Variants in MTUS2 observed in about 807,000 individuals in gnomAD.
MTUS2 encodes the protein microtubule associated scaffold protein 2, also known as microtubule-associated tumor suppressor candidate 2.
MTUS2 carries 40 observed loss-of-function variants against 114.1 expected under a neutral mutation model. The observed-to-expected ratio is 0.35, with a 90% CI of 0.27 to 0.46. The LOEUF is 0.46. Among genes scored for constraint, MTUS2 ranks in the 20% least tolerant of loss-of-function variants. The pLI is 1.00. For synonymous variants in MTUS2, 688 were observed against 672.0 expected, an observed-to-expected ratio of 1.02 and a Z score of -0.37; for missense variants, 1,679 against 1,705.4, an observed-to-expected ratio of 0.98 and a Z score of 0.27.
At chr13:29,353,563 A>T (rs1400883842) in intron 7 of MTUS2, among the ~76,000 whole-genome samples, 3 of 152,094 alleles carry the variant, frequency 2.0e-5, no homozygotes, top group African/African-American at 7.2e-5. Flanking sequence ...AGCCTCCCAA[A>T]GTGCTGGGAT....
intron 8 of MTUS2, among the ~76,000 whole-genome samples, chr13:29,364,265 G>A (rs1439422914): frequency 1.3e-5 from 2 of 152,206 alleles, no homozygotes; most frequent in Admixed American, 6.5e-5. Flanking sequence ...AGTCTTGGAA[G>A]AGCAGGATGG....
At chr13:28,896,661 G>T (rs1407934530) in intron 2 of MTUS2, among the ~76,000 whole-genome samples, 2 of 152,146 alleles carry the variant, frequency 1.3e-5, no homozygotes, top group African/African-American at 4.8e-5. Flanking sequence ...ATACTACAAG[G>T]CTACAGTAAC....
chr13:29,488,300 G>A (rs899317727), intron 11 of MTUS2, among the ~76,000 whole-genome samples: 2 of 152,140 alleles, frequency 1.3e-5, no homozygotes, highest in Non-Finnish European at 2.9e-5. Flanking sequence ...CCACCCCAGG[G>A]ATTCTGATGT....
At chr13:29,426,900 G>C (rs4463939) in intron 8 of MTUS2, among the ~76,000 whole-genome samples, 49,700 of 152,114 alleles carry the variant, frequency 0.33, 9,841 homozygotes, top group Non-Finnish European at 0.45. Context: ...TGCTATGAGC[G>C]TGGGGGTATA....
Position 29,217,639 on chromosome 13 carries a change from AC to A in MTUS2, c.2645-64064del, listed in dbSNP as rs549225506. On this transcript the variant is annotated intron_variant, in intron 5 of 15. Transcript: ENST00000612955. The stretch of plus-strand genomic sequence containing the variant: ...TGTGGCAATTTCTAAATTTAAGGGA[AC>A]ATTGAAGTTTTTTACAATGACTGAT... Among the ~76,000 whole-genome samples, 280 of 152,304 alleles carry A rather than the reference AC, an allele frequency of 1.8e-3. 2 individuals carry two copies. The highest frequency in any genetic ancestry group is 2.9e-3 in the Non-Finnish European group (200 of 68,018).
chr13:29,196,471 C>A (rs1019919443), intron 5 of MTUS2, among the ~76,000 whole-genome samples: 14 of 152,006 alleles, frequency 9.2e-5, no homozygotes, highest in African/African-American at 3.1e-4. Context: ...CACATAACAT[C>A]AAATTTACTA....
intron 5 of MTUS2, among the ~76,000 whole-genome samples, chr13:29,132,399 C>T (rs1412852624): frequency 6.6e-6 from 1 of 152,146 alleles, no homozygotes; most frequent in Non-Finnish European, 1.5e-5. Flanking sequence ...GGCATCTTAA[C>T]GATGAAGTGT....
intron 5 of MTUS2, among the ~76,000 whole-genome samples, chr13:29,142,175 G>A (rs1892252132): frequency 6.6e-6 from 1 of 151,990 alleles, no homozygotes; most frequent in African/African-American, 2.4e-5. Context: ...AATTATATGT[G>A]TATATATATT....
intron 9 of MTUS2, among the ~76,000 whole-genome samples, chr13:29,470,718 T>C (rs937955110): frequency 4.6e-5 from 7 of 152,266 alleles, no homozygotes; most frequent in Non-Finnish European, 8.8e-5. Flanking sequence ...AGGCCCTGCA[T>C]GATAAGTCCC....
intron 2 of MTUS2, among the ~76,000 whole-genome samples, chr13:28,938,009 T>G (rs2138118589): frequency 6.6e-6 from 1 of 152,352 alleles, no homozygotes; most frequent in East Asian, 1.9e-4. Context: ...ATGAGGATGC[T>G]TCCCTAATCC....
chr13:29,109,248 CA>C (rs1424760224), intron 5 of MTUS2, among the ~76,000 whole-genome samples: 1 of 152,148 alleles, frequency 6.6e-6, no homozygotes, highest in Non-Finnish European at 1.5e-5. Flanking sequence ...ATGATTACTA[CA>C]ATCAAGTTAA....
intron 5 of MTUS2, among the ~76,000 whole-genome samples, chr13:29,125,541 G>A (rs560849774): frequency 3.9e-5 from 6 of 152,304 alleles, no homozygotes; most frequent in African/African-American, 1.4e-4. Context: ...ACTTTGTCAA[G>A]AATATGCTGT....
chr13:29,192,855 T>A (rs908694814), intron 5 of MTUS2, among the ~76,000 whole-genome samples: 4 of 152,188 alleles, frequency 2.6e-5, no homozygotes, highest in African/African-American at 9.6e-5. Context: ...GCGTTATACC[T>A]GGGAACAGCA....
intron 5 of MTUS2, among the ~76,000 whole-genome samples, chr13:29,162,946 C>G (rs1893161683): frequency 6.6e-6 from 1 of 152,106 alleles, no homozygotes; most frequent in Non-Finnish European, 1.5e-5. Context: ...CTCTGAAGGT[C>G]AGGAGAAAAT....
chr13:29,463,606 C>T (rs902036353), intron 9 of MTUS2, among the ~76,000 whole-genome samples: 2 of 147,044 alleles, frequency 1.4e-5, no homozygotes, highest in African/African-American at 5.1e-5. Flanking sequence ...AGGTCACAGC[C>T]ACCGAAGACC....
chr13:29,228,750 A>AG (rs35730114), intron 5 of MTUS2, among the ~76,000 whole-genome samples: 9,919 of 152,146 alleles, frequency 0.065, 338 homozygotes, highest in Middle Eastern at 0.078. Flanking sequence ...AGAAAGGAGA[A>AG]GGGGGGGAAG....
Position 29,025,803 on chromosome 13 carries a change from C to T in MTUS2, c.1105C>T (p.His369Tyr). The T allele has an allele frequency of 1.2e-6, 2 of 1,613,934 alleles. No homozygotes were observed. The highest frequency in any genetic ancestry group is 8.5e-7 in the Non-Finnish European group (1 of 1,179,864). ...TGGCCATCTGCTGAACAGTGACCTC[C>T]ACCACCTTGGGGTGGGAAGAGGCAA... ...ALGHLLNSDL[H>Y]HLGVGRGNCE... Residue 369 changes from histidine to tyrosine, a missense_variant, in exon 3 of 16, where the codon CAC becomes TAC. Physicochemically the swap from His to Tyr is moderately conservative, Grantham distance 83 (BLOSUM62 2). Transcript: ENST00000612955.
chr13:29,013,136 G>A (rs1322390887), intron 2 of MTUS2, among the ~76,000 whole-genome samples: 1 of 152,210 alleles, frequency 6.6e-6, no homozygotes, highest in African/African-American at 2.4e-5. Context: ...TCTTTTCTGT[G>A]ATTCGGGGTG....
intron 2 of MTUS2, among the ~76,000 whole-genome samples, chr13:28,927,961 C>A (rs992277118): frequency 6.6e-6 from 1 of 152,108 alleles, no homozygotes; most frequent in African/African-American, 2.4e-5. Context: ...AATAAAATCA[C>A]ACCTTTACAG....
Sources: gnomAD v4.1 joint callset for allele counts (sites outside exome capture counted in the v4.1 genomes callset) on GRCh38, gnomAD v4.1.1 for gene constraint, MANE v1.5 for transcripts, NCBI Gene and HGNC (gene_info 2026-07-23, HGNC 2026-07-21) for gene names.